MYO16: variants seen among roughly 807,000 people sequenced by gnomAD.
MYO16 encodes the protein myosin XVI, also known as unconventional myosin-XVI.
Under a neutral mutation model 205.3 loss-of-function variants are expected in MYO16, and 94 were observed. That is an observed-to-expected ratio of 0.46 (90% CI 0.39 to 0.54). The LOEUF is 0.54. Ranked by LOEUF, MYO16 falls within the 20% of genes least tolerant of loss-of-function variation. The probability of loss-of-function intolerance (pLI) is 0.00; values close to 1 mark genes in which losing one functional copy is unlikely to be tolerated. For synonymous variants in MYO16, 988 were observed against 954.0 expected (o/e 1.04, Z -0.66); for missense variants, 2,315 against 2,387.5 (o/e 0.97, Z 0.63).
intron 32 of MYO16, among the ~76,000 whole-genome samples, chr13:109,146,947 G>GA (rs1223248666): frequency 6.6e-6 from 1 of 151,414 alleles, no homozygotes; most frequent in Non-Finnish European, 1.5e-5. Flanking sequence ...TCTTTAAGAA[G>GA]AAAAAAACAT....
chr13:109,141,228 C>T lies in MYO16; in HGVS notation c.5016C>T (p.Ala1672=), dbSNP rs994964530. ...VKATRADARK[A]GSSASPPAPY... ...CCACCAGGGCGGACGCCAGGAAGGC[C>T]GGCTCCAGTGCCTCGCCCCCCGCGC... The change falls in exon 32 of 35, where the codon GCC becomes GCT. Residue 1672 remains alanine, a synonymous_variant. Transcript: ENST00000457511. The surrounding 1 kb of genome is among the most constrained non-coding windows in gnomAD (Gnocchi z 4.1). 4 of 1,606,612 alleles carry T rather than the reference C, an allele frequency of 2.5e-6. No homozygotes were observed. The highest frequency in any genetic ancestry group is 3.4e-5 in the Admixed American group (2 of 59,590).
intron 4 of MYO16, among the ~76,000 whole-genome samples, chr13:108,770,862 T>A (rs1885938765): frequency 6.6e-6 from 1 of 152,136 alleles, no homozygotes; most frequent in Admixed American, 6.6e-5. Flanking sequence ...CAAGTCTAGG[T>A]CATCCACTAA....
At chr13:108,765,504 C>T (rs1041092531) in intron 4 of MYO16, among the ~76,000 whole-genome samples, 1 of 152,126 alleles carries the variant, frequency 6.6e-6, no homozygotes, top group Non-Finnish European at 1.5e-5. Context: ...GATACAGTAA[C>T]TTTCAACTCT....
chr13:109,202,558 A>T lies in MYO16; in HGVS notation c.5416-4051A>T, dbSNP rs566744533. On this transcript the variant is annotated intron_variant, in intron 34 of 34. Transcript: ENST00000457511. The stretch of plus-strand genomic sequence containing the variant: ...CCCACTTCGAAAGAAATTATAGATG[A>T]TGCGAACAAATGGAAACACATCCCA... Among the ~76,000 whole-genome samples the T allele has an allele frequency of 9.2e-5, 14 of 152,260 alleles. No individual in the cohort carries two copies. In the South Asian group the frequency reaches 2.9e-3, roughly 32 times the overall value.
intron 16 of MYO16, among the ~76,000 whole-genome samples, chr13:108,916,952 A>G (rs376110935): frequency 5.3e-5 from 8 of 152,088 alleles, no homozygotes; most frequent in African/African-American, 1.9e-4. Flanking sequence ...CATTTAAAGA[A>G]AAAAGAAAAA....
At chr13:108,816,413 C>CCTT (rs66898812) in intron 7 of MYO16, among the ~76,000 whole-genome samples, 3 of 6,136 alleles carry the variant, frequency 4.9e-4, no homozygotes, top group Non-Finnish European at 0.016. Context: ...TGAAGTAGCG[C>CCTT]CCCCCACCCA....
chr13:108,704,911 C>A (rs1883445770), intron 2 of MYO16, among the ~76,000 whole-genome samples: 1 of 149,260 alleles, frequency 6.7e-6, no homozygotes. Flanking sequence ...AAAATATCAA[C>A]ACAATGAAAA....
At position 108,666,367 on chromosome 13, in the gene MYO16, A is replaced by G. The variant is rs554855448; in HGVS notation, c.292+218A>G. Among the ~76,000 whole-genome samples, 232 of 151,704 alleles carry G rather than the reference A, an allele frequency of 1.5e-3. 1 individual carries two copies. Among genetic ancestry groups the G allele is most frequent in the African/African-American group, 5.3e-3 (219 of 41,264 alleles). Reference sequence around the variant, plus strand: ...ACCTAGTAAGATAAAAAAATGTAAAAATTGTGGTGAGATTGTATTTTTTTT... The same window carrying G: ...ACCTAGTAAGATAAAAAAATGTAAAGATTGTGGTGAGATTGTATTTTTTTT... On this transcript the variant is annotated intron_variant, in intron 2 of 34. Coordinates refer to ENST00000457511, the MANE Select transcript of MYO16 (RefSeq NM_001198950.3).
intron 34 of MYO16, among the ~76,000 whole-genome samples, chr13:109,196,455 G>T (rs1260415860): frequency 1.3e-5 from 2 of 152,162 alleles, no homozygotes; most frequent in African/African-American, 2.4e-5. Context: ...TCTGGACCAT[G>T]ATCATTTATA....
Position 109,140,944 on chromosome 13 carries a change from C to T in MYO16, c.4732C>T (p.Pro1578Ser). Residue 1578 changes from proline to serine, a missense_variant, in exon 32 of 35, where the codon CCC becomes TCC. Pro to Ser is a moderately conservative substitution (Grantham distance 74). Coordinates refer to ENST00000457511, the MANE Select transcript of MYO16 (RefSeq NM_001198950.3). This position sits in a 1 kb window ranked among gnomAD's most constrained non-coding sequence, Gnocchi z 8.0. ...QKGDGDRPAS[P>S]GLALFNGSGR... is the part of the protein sequence containing the mutation. ...GGGCGACGGCGACAGGCCCGCGTCC[C>T]CCGGCCTGGCGCTGTTCAACGGGTC... 3 of 1,547,892 alleles carry T rather than the reference C, an allele frequency of 1.9e-6. No individual in the cohort carries two copies. The highest frequency in any genetic ancestry group is 2.6e-6 in the Non-Finnish European group (3 of 1,149,778).
chr13:108,983,407 A>G (rs1884516312), intron 20 of MYO16, among the ~76,000 whole-genome samples: 1 of 152,186 alleles, frequency 6.6e-6, no homozygotes, highest in African/African-American at 2.4e-5. Context: ...TTTAAAATTC[A>G]AGAAAGGGAG....
chr13:108,868,633 C>T lies in MYO16; in HGVS notation c.1425+2391C>T, dbSNP rs80096718. Among the ~76,000 whole-genome samples, 67 of 151,746 alleles carry T rather than the reference C, an allele frequency of 4.4e-4. No homozygotes were observed. The East Asian group carries it at 0.013, about 29-fold the overall frequency. On this transcript the variant is annotated intron_variant, in intron 12 of 34. Coordinates refer to ENST00000457511, the MANE Select transcript of MYO16 (RefSeq NM_001198950.3). ...AAACCGTACTGTTTATTAAAAAGAC[C>T]ATCTTTCAGCTGGGCTCGGTGGCTC...
At chr13:108,913,057 G>A (rs1226209803) in intron 16 of MYO16, among the ~76,000 whole-genome samples, 1 of 152,184 alleles carries the variant, frequency 6.6e-6, no homozygotes. Flanking sequence ...AGAGTTTGGA[G>A]TCACTTAGGC....
intron 31 of MYO16, among the ~76,000 whole-genome samples, chr13:109,133,083 C>T (rs1876614481): frequency 6.6e-6 from 1 of 152,200 alleles, no homozygotes; most frequent in African/African-American, 2.4e-5. Context: ...CTCCTCCCAC[C>T]AGGAAAGAAA....
upstream of MYO16, among the ~76,000 whole-genome samples, chr13:108,595,381 G>C (rs1217870307): frequency 2.0e-5 from 3 of 152,074 alleles, no homozygotes; most frequent in East Asian, 5.8e-4. Flanking sequence ...GGAAGGGTCT[G>C]ACTCTGATAT....
chr13:108,789,541 A>C (rs1886554435), intron 5 of MYO16, among the ~76,000 whole-genome samples: 1 of 152,156 alleles, frequency 6.6e-6, no homozygotes, highest in African/African-American at 2.4e-5. Context: ...TTGGGGTTAC[A>C]GTCTGCATGA....
intron 34 of MYO16, among the ~76,000 whole-genome samples, chr13:109,181,123 A>G (rs1879433622): frequency 6.6e-6 from 1 of 152,258 alleles, no homozygotes; most frequent in Non-Finnish European, 1.5e-5. Flanking sequence ...TTTGGCTAAG[A>G]ATCAAAGAGA....
chr13:109,018,149 T>C (rs970782080), intron 22 of MYO16, among the ~76,000 whole-genome samples: 1 of 152,238 alleles, frequency 6.6e-6, no homozygotes, highest in Non-Finnish European at 1.5e-5. Flanking sequence ...GATGGAGTTT[T>C]GGTGTGGATG....
intron 4 of MYO16, among the ~76,000 whole-genome samples, chr13:108,773,178 C>A (rs1050500163): frequency 6.6e-6 from 1 of 152,126 alleles, no homozygotes; most frequent in East Asian, 1.9e-4. Context: ...GACCATCTTC[C>A]AAAGGCCCCA....
Sources: gnomAD v4.1 joint callset for allele counts (sites outside exome capture counted in the v4.1 genomes callset) on GRCh38, gnomAD v4.1.1 for gene constraint, Gnocchi (gnomAD v3.1) non-coding constraint, MANE v1.5 for transcripts, NCBI Gene and HGNC (gene_info 2026-07-23, HGNC 2026-07-21) for gene names.